Variants in TOMM20L observed in about 807,000 individuals in gnomAD.
The protein encoded by TOMM20L is TOMM20-like protein 1.
TOMM20L carries 19 observed loss-of-function variants against 20.4 expected under a neutral mutation model. The observed-to-expected ratio is 0.93, with a 90% CI of 0.65 to 1.36. The LOEUF (loss-of-function observed/expected upper bound fraction) is 1.36, where lower values mean the gene tolerates loss of function less well. Among genes scored for constraint, TOMM20L ranks in the 40% most tolerant of loss-of-function variants. The probability of loss-of-function intolerance (pLI) is 0.00; values close to 1 mark genes in which losing one functional copy is unlikely to be tolerated. For missense variants in TOMM20L, 218 were observed against 203.7 expected (o/e 1.07, Z -0.43); for synonymous variants, 75 against 79.6 (o/e 0.94, Z 0.30).
At chr14:58,409,200 A>G (rs1292362619), downstream of TOMM20L, 2 of 1,596,976 alleles carry the variant, frequency 1.3e-6, no homozygotes, top group Admixed American at 3.7e-5. Flanking sequence ...CCAAGAGGCA[A>G]CACAAAAATA....
intron 2 of TOMM20L, among the ~76,000 whole-genome samples, chr14:58,400,069 C>T (rs2035975045): frequency 6.6e-6 from 1 of 151,682 alleles, no homozygotes; most frequent in African/African-American, 2.4e-5. Flanking sequence ...AATGGCAGCT[C>T]TGAATATGTA....
chr14:58,410,908 G>A (rs750423651), downstream of TOMM20L: 1 of 1,613,314 alleles, frequency 6.2e-7, no homozygotes, highest in Non-Finnish European at 8.5e-7. Flanking sequence ...GTCTCTGTAA[G>A]TTTATTGTAG....
At chr14:58,410,699 G>A (rs2036187637), downstream of TOMM20L, 4 of 575,470 alleles carry the variant, frequency 7.0e-6, no homozygotes, top group Admixed American at 6.8e-5. Flanking sequence ...TGGTTCAGTG[G>A]CTGCTTCAGT....
intron 2 of TOMM20L, 92 bp from the exon 3 acceptor site, chr14:58,402,588 C>T (rs1594997599): frequency 9.5e-7 from 1 of 1,049,684 alleles, no homozygotes. Context: ...GCATCTGGCC[C>T]AAGATGTCCT....
chr14:58,406,147 T>C (rs1010720987), intron 3 of TOMM20L, among the ~76,000 whole-genome samples: 8 of 152,216 alleles, frequency 5.3e-5, no homozygotes, highest in African/African-American at 1.9e-4. Flanking sequence ...TGGCTATATC[T>C]ATATGAGACC....
intron 3 of TOMM20L, among the ~76,000 whole-genome samples, chr14:58,403,787 G>C (rs994049261): frequency 6.6e-6 from 1 of 151,566 alleles, no homozygotes; most frequent in African/African-American, 2.4e-5. Context: ...GCAGTGAGCC[G>C]AGATCGCACG....
At chr14:58,408,440 A>T in intron 4 of TOMM20L, 89 bp from the exon 5 acceptor site, 2 of 1,143,296 alleles carry the variant, frequency 1.7e-6, no homozygotes, top group Non-Finnish European at 2.6e-6. Context: ...AAAGAAAAGT[A>T]TATGTAATGC....
chr14:58,414,008 GAAAAAAAAAAA>G, the TOMM20L span, among the ~76,000 whole-genome samples: 144 of 24,188 alleles, frequency 6.0e-3, 2 homozygotes, highest in African/African-American at 0.025. Context: ...TTCCGTCTCA[GAAAAAAAAAAA>G]AAAAAAAAAA....
chr14:58,399,888 A>ATATATG (rs2035970997), intron 2 of TOMM20L, among the ~76,000 whole-genome samples: 1 of 60,344 alleles, frequency 1.7e-5, no homozygotes, highest in African/African-American at 6.1e-5. Flanking sequence ...TCTATTGCAT[A>ATATATG]TATATATATA....
chr14:58,405,924 T>C (rs987461749), intron 3 of TOMM20L, among the ~76,000 whole-genome samples: 1 of 152,214 alleles, frequency 6.6e-6, no homozygotes, highest in African/African-American at 2.4e-5. Flanking sequence ...TCAGAATCTA[T>C]GGGGCTGGAA....
At chr14:58,408,449 G>T in intron 4 of TOMM20L, 80 bp from the exon 5 acceptor site, 16 of 1,203,454 alleles carry the variant, frequency 1.3e-5, no homozygotes, top group Admixed American at 2.0e-5. Flanking sequence ...TATATGTAAT[G>T]CCCACCCTGA....
chr14:58,400,023 C>A (rs1235342031), intron 2 of TOMM20L, among the ~76,000 whole-genome samples: 1 of 149,870 alleles, frequency 6.7e-6, no homozygotes, highest in Non-Finnish European at 1.5e-5. Flanking sequence ...TGCCACCCTG[C>A]CTCTATTCTT....
chr14:58,408,745 T>C (rs934800117), downstream of TOMM20L: 5 of 747,884 alleles, frequency 6.7e-6, no homozygotes, highest in African/African-American at 7.3e-5. Context: ...ACAGTCACAA[T>C]TGAAGAAACA....
chr14:58,406,920 A>G (rs567171683), intron 3 of TOMM20L, among the ~76,000 whole-genome samples: 1 of 152,130 alleles, frequency 6.6e-6, no homozygotes. Flanking sequence ...TTTAAGTTCC[A>G]TTTAGCTGGA....
intron 4 of TOMM20L, among the ~76,000 whole-genome samples, chr14:58,408,237 T>C (rs2036095401): frequency 1.3e-5 from 2 of 151,882 alleles, no homozygotes; most frequent in Admixed American, 1.3e-4. Flanking sequence ...GCCAATGTGG[T>C]GAAACCCCAT....
intron 4 of TOMM20L, 53 bp downstream of exon 4, chr14:58,407,521 T>TA: frequency 6.6e-7 from 1 of 1,520,902 alleles, no homozygotes; most frequent in Non-Finnish European, 8.8e-7. Context: ...ATAGCTATGT[T>TA]ATGCTTGACT....
Position 58,396,102 on chromosome 14 carries a change from G to A in TOMM20L, c.136+9G>A. Reference sequence around the variant, plus strand: ...GCGCCGCCTGCGGGACAGTGAGTGGGACCGAGGCGGAGGCGCGGCCGGGCC... The same window carrying A: ...GCGCCGCCTGCGGGACAGTGAGTGGAACCGAGGCGGAGGCGCGGCCGGGCC... On this transcript the variant is annotated intron_variant, in intron 1 of 4. Coordinates refer to ENST00000360945, the MANE Select transcript of TOMM20L (RefSeq NM_207377.3). 1 of 1,337,800 alleles carries A rather than the reference G, an allele frequency of 7.5e-7. No homozygotes were observed. The highest frequency in any genetic ancestry group is 9.6e-7 in the Non-Finnish European group (1 of 1,043,752). The allele number at this position is 1,337,800 out of a possible 1,614,324, so 82.9% of individuals were successfully genotyped here.
the TOMM20L span, among the ~76,000 whole-genome samples, chr14:58,415,163 G>A: frequency 5.9e-5 from 9 of 152,160 alleles, no homozygotes; most frequent in Non-Finnish European, 1.3e-4. Context: ...TCAGAGTGAG[G>A]AAGATGAATT....
chr14:58,408,931 C>T, downstream of TOMM20L: 1 of 1,488,182 alleles, frequency 6.7e-7, no homozygotes, highest in East Asian at 2.3e-5. Flanking sequence ...GATGGTTGAA[C>T]ATGGTGGCTA....
Sources: gnomAD v4.1 joint callset for allele counts (sites outside exome capture counted in the v4.1 genomes callset) on GRCh38, gnomAD v4.1.1 for gene constraint, MANE v1.5 for transcripts, NCBI Gene and HGNC (gene_info 2026-07-23, HGNC 2026-07-21) for gene names.